The following C10orf67 variants were observed in gnomAD, a reference collection of about 807,000 sequenced individuals.
C10orf67 encodes uncharacterized protein C10orf67, mitochondrial.
C10orf67 carries 60 observed loss-of-function variants against 35.6 expected under a neutral mutation model. The ratio of observed to expected loss-of-function variants is 1.68; its 90% CI spans 1.37 to 2.09. The LOEUF (loss-of-function observed/expected upper bound fraction) is 2.09, where lower values mean the gene tolerates loss of function less well. Ranked by LOEUF, C10orf67 falls within the 30% of genes most tolerant of loss-of-function variation. C10orf67 has a pLI of 0.00. For missense variants in C10orf67, 474 were observed against 330.2 expected, an observed-to-expected ratio of 1.44 and a Z score of -3.38; for synonymous variants, 167 against 115.8, an observed-to-expected ratio of 1.44 and a Z score of -2.84.
intron 8 of C10orf67, among the ~76,000 whole-genome samples, chr10:23,269,537 T>G (rs1842965790): frequency 6.6e-6 from 1 of 152,166 alleles, no homozygotes; most frequent in African/African-American, 2.4e-5. Flanking sequence ...GACCTTAATC[T>G]GACCCTATTA....
chr10:23,312,819 C>T (rs1844547376), intron 4 of C10orf67, among the ~76,000 whole-genome samples: 1 of 152,162 alleles, frequency 6.6e-6, no homozygotes, highest in South Asian at 2.1e-4. Context: ...CTTCATACTT[C>T]CATCATGTAG....
At chr10:23,206,581 T>G (rs1404224574) in intron 15 of C10orf67, among the ~76,000 whole-genome samples, 1 of 152,246 alleles carries the variant, frequency 6.6e-6, no homozygotes, top group Admixed American at 6.5e-5. Flanking sequence ...TTGTTAGGGT[T>G]GATTAATTGA....
At chr10:23,206,162 C>T (rs1841153432) in intron 15 of C10orf67, among the ~76,000 whole-genome samples, 1 of 152,196 alleles carries the variant, frequency 6.6e-6, no homozygotes, top group African/African-American at 2.4e-5. Context: ...GAGCTCTTTA[C>T]TAAACCGTGT....
chr10:23,334,173 T>C (rs1020484518), intron 1 of C10orf67, among the ~76,000 whole-genome samples: 1 of 152,112 alleles, frequency 6.6e-6, no homozygotes, highest in African/African-American at 2.4e-5. Flanking sequence ...AACCAAAAAG[T>C]TTGAGAATTG....
chr10:23,344,320 G>A (rs1225643393), intron 1 of C10orf67: 5 of 561,434 alleles, frequency 8.9e-6, no homozygotes, highest in East Asian at 6.1e-5. Flanking sequence ...AAGGAGGATG[G>A]GGAGGGAGCA....
chr10:23,320,797 T>C lies in C10orf67; in HGVS notation c.490A>G (p.Lys164Glu). The C allele has an allele frequency of 1.3e-6, 2 of 1,585,516 alleles. No homozygotes were observed. Among genetic ancestry groups the C allele is most frequent in the Non-Finnish European group, 1.7e-6 (2 of 1,164,622 alleles). ...TCAGCTAACTGCTGATTGAAGGATT[T>C]TCTCATCTTATCCTCATTCTGCAAA... ...HYQQNEDKMR[K>E]SFNQQLADAI... The change falls in exon 4 of 16, where the codon AAA becomes GAA. Residue 164 changes from lysine (K) to glutamate (E), a missense_variant. Coordinates refer to ENST00000636213, the MANE Select transcript of C10orf67 (RefSeq NM_001371909.1).
chr10:23,342,940 G>A (rs949215070), intron 1 of C10orf67, among the ~76,000 whole-genome samples: 4 of 152,188 alleles, frequency 2.6e-5, no homozygotes, highest in South Asian at 2.1e-4. Context: ...CTTATACAAC[G>A]GTAAGTTCTC....
rs1844535452 is a variant in C10orf67, at chr10:23,312,498, G to T, written c.546+8243C>A. Reference sequence around the variant, plus strand: ...CTGGAGTTGGCTACTCCTCCAAAAAGCCCTGGTTTCTTTTAGTGTAGAATA... The same window carrying T: ...CTGGAGTTGGCTACTCCTCCAAAAATCCCTGGTTTCTTTTAGTGTAGAATA... On this transcript the variant is annotated intron_variant, in intron 4 of 15. Coordinates refer to ENST00000636213, the MANE Select transcript of C10orf67 (RefSeq NM_001371909.1). Among the ~76,000 whole-genome samples, 3 of 152,106 alleles carry T rather than the reference G, an allele frequency of 2.0e-5. No individual in the cohort carries two copies. In the South Asian group the frequency reaches 6.2e-4, roughly 32 times the overall value.
intron 7 of C10orf67, among the ~76,000 whole-genome samples, chr10:23,286,972 G>C (rs1353332950): frequency 6.6e-6 from 1 of 152,088 alleles, no homozygotes; most frequent in Non-Finnish European, 1.5e-5. Context: ...GAGGAAATAA[G>C]AGAGGACACA....
chr10:23,230,301 A>G (rs1254994996), intron 13 of C10orf67, among the ~76,000 whole-genome samples: 1 of 152,176 alleles, frequency 6.6e-6, no homozygotes, highest in African/African-American at 2.4e-5. Context: ...CTATACACTA[A>G]TATCAATTCT....
chr10:23,300,516 C>A (rs754183075), intron 5 of C10orf67, among the ~76,000 whole-genome samples: 2 of 152,172 alleles, frequency 1.3e-5, no homozygotes, highest in South Asian at 2.1e-4. Flanking sequence ...CTAATGTCTG[C>A]AGCTGACTGA....
chr10:23,300,307 T>C (rs1461139402), intron 5 of C10orf67, among the ~76,000 whole-genome samples: 1 of 152,136 alleles, frequency 6.6e-6, no homozygotes, highest in African/African-American at 2.4e-5. Context: ...GGCATTCGAT[T>C]TTCCCAGCTT....
chr10:23,216,423 G>A (rs115433940), intron 15 of C10orf67, among the ~76,000 whole-genome samples: 71 of 152,154 alleles, frequency 4.7e-4, no homozygotes, highest in African/African-American at 1.7e-3. Context: ...GTAAAGTAGT[G>A]TAACCAATTA....
chr10:23,283,855 A>T (rs1383799558), intron 7 of C10orf67, among the ~76,000 whole-genome samples: 1 of 151,730 alleles, frequency 6.6e-6, no homozygotes, highest in East Asian at 1.9e-4. Context: ...GCTTCTCTGC[A>T]TCCTGACGCT....
chr10:23,271,641 T>G (rs1843027408), intron 8 of C10orf67, among the ~76,000 whole-genome samples: 1 of 152,228 alleles, frequency 6.6e-6, no homozygotes, highest in Non-Finnish European at 1.5e-5. Context: ...AATATTTCAT[T>G]GAGATTTTAA....
At chr10:23,235,842 C>T (rs1186912058) in intron 13 of C10orf67, among the ~76,000 whole-genome samples, 2 of 152,092 alleles carry the variant, frequency 1.3e-5, no homozygotes, top group Non-Finnish European at 2.9e-5. Flanking sequence ...ATTGGGTGGG[C>T]ACTGTGGCTC....
At chr10:23,236,051 AT>A (rs1842038622) in intron 13 of C10orf67, among the ~76,000 whole-genome samples, 2 of 151,994 alleles carry the variant, frequency 1.3e-5, no homozygotes, top group African/African-American at 2.4e-5. Flanking sequence ...GATCGAGACC[AT>A]CCTGGCTAAC....
At chr10:23,283,767 A>G (rs1036674253) in intron 7 of C10orf67, among the ~76,000 whole-genome samples, 1 of 152,048 alleles carries the variant, frequency 6.6e-6, no homozygotes, top group Non-Finnish European at 1.5e-5. Flanking sequence ...GGGCCATTGC[A>G]GTATCCTTTC....
chr10:23,240,524 C>A (rs1842154978), intron 12 of C10orf67, among the ~76,000 whole-genome samples: 1 of 152,150 alleles, frequency 6.6e-6, no homozygotes, highest in Admixed American at 6.5e-5. Context: ...ATAATAAGAA[C>A]TACAGTGTGT....
Sources: allele counts gnomAD v4.1 joint callset (sites outside exome capture counted in the v4.1 genomes callset), GRCh38; gene constraint gnomAD v4.1.1; transcripts MANE v1.5; gene names NCBI Gene and HGNC (gene_info 2026-07-23, HGNC 2026-07-21).